TERF2: variants seen among roughly 807,000 people sequenced by gnomAD.
TERF2 encodes the protein telomeric repeat-binding factor 2.
In TERF2, 16 loss-of-function variants were observed where a neutral mutation model predicts 56.1. The observed-to-expected ratio is 0.29, with a 90% confidence interval of 0.19 to 0.43. The LOEUF (loss-of-function observed/expected upper bound fraction) is 0.43, where lower values mean the gene tolerates loss of function less well. Ranked by LOEUF, TERF2 falls within the 20% of genes least tolerant of loss-of-function variation. The probability of loss-of-function intolerance (pLI) is 1.00; values close to 1 mark genes in which losing one functional copy is unlikely to be tolerated. For missense variants in TERF2, 547 were observed against 712.9 expected, an observed-to-expected ratio of 0.77 and a Z score of 2.65; for synonymous variants, 296 against 282.1, an observed-to-expected ratio of 1.05 and a Z score of -0.50.
chr16:69,385,232 G>C (rs770604500), intron 2 of TERF2, among the ~76,000 whole-genome samples, 159 bp downstream of exon 2: 1 of 152,036 alleles, frequency 6.6e-6, no homozygotes, highest in South Asian at 2.1e-4. Context: ...GAGAAAACTA[G>C]AGCCAGTCGA....
At chr16:69,370,197 A>C (rs2013512824) in intron 5 of TERF2, 5 of 397,900 alleles carry the variant, frequency 1.3e-5, no homozygotes, top group Non-Finnish European at 2.2e-5. Context: ...CGCCCAGCTA[A>C]TTTTTATATT....
intron 3 of TERF2, among the ~76,000 whole-genome samples, chr16:69,374,358 G>A (rs374131269): frequency 1.3e-5 from 2 of 151,942 alleles, no homozygotes; most frequent in South Asian, 2.1e-4. Flanking sequence ...CACTGATCCC[G>A]GTGGCTCATA....
chr16:69,385,278 C>T, intron 2 of TERF2, 113 bp downstream of exon 2: 1 of 889,072 alleles, frequency 1.1e-6, no homozygotes, highest in South Asian at 1.5e-5. Flanking sequence ...TGAAAAAGAC[C>T]ACTCTGATGG....
rs574517519 is a variant in TERF2, at chr16:69,378,292, C to G, written c.607-5937G>C. Among the ~76,000 whole-genome samples the G allele has an allele frequency of 2.0e-5, 3 of 152,300 alleles. No homozygotes were observed. The South Asian group carries it at 6.2e-4, about 32-fold the overall frequency. ...ACCCAGGGCCAAGCAGCAGGACAGA[C>G]AGTGGAAGGCTATGGAATTTGTTCC... On this transcript the variant is annotated intron_variant, in intron 3 of 9. Transcript: ENST00000254942.
chr16:69,377,096 A>G (rs2142756248), intron 3 of TERF2, among the ~76,000 whole-genome samples: 1 of 151,556 alleles, frequency 6.6e-6, no homozygotes, highest in East Asian at 2.0e-4. Context: ...TCAGCTCCTC[A>G]GGAGGCTGAG....
intron 3 of TERF2, among the ~76,000 whole-genome samples, chr16:69,377,418 C>A (rs1229174874): frequency 1.3e-5 from 2 of 152,004 alleles, no homozygotes; most frequent in East Asian, 3.9e-4. Flanking sequence ...ACCTCCACCT[C>A]GCAGGTTCAA....
chr16:69,369,356 G>A (rs1260555947), intron 5 of TERF2, among the ~76,000 whole-genome samples: 1 of 152,214 alleles, frequency 6.6e-6, no homozygotes, highest in Middle Eastern at 3.4e-3. Context: ...CTTTTGCCCA[G>A]GCTGAAGTGC....
chr16:69,385,505 T>C lies in TERF2; in HGVS notation c.380-19A>G. 1.2e-6 allele frequency: 2 copies of C among 1,613,608 alleles called. No individual in the cohort carries two copies. The highest frequency in any genetic ancestry group is 1.1e-5 in the South Asian group (1 of 91,070). On this transcript the variant is annotated intron_variant, in intron 1 of 9. Transcript: ENST00000254942. Reference sequence around the variant, plus strand: ...AGCAAAGCTGGGAGAGAAGACATCGTTGGCTGGGCGACCCCCAGTCCCGAC... The same window carrying C: ...AGCAAAGCTGGGAGAGAAGACATCGCTGGCTGGGCGACCCCCAGTCCCGAC...
chr16:69,374,033 A>C (rs2013675275), intron 3 of TERF2, among the ~76,000 whole-genome samples: 1 of 152,212 alleles, frequency 6.6e-6, no homozygotes, highest in Non-Finnish European at 1.5e-5. Context: ...ATGCAGGCAC[A>C]GTTCTTGCTG....
intron 3 of TERF2, among the ~76,000 whole-genome samples, chr16:69,377,003 C>A (rs555557998): frequency 9.6e-4 from 146 of 151,960 alleles, no homozygotes; most frequent in Middle Eastern, 6.8e-3. Context: ...GAGTTTGAGA[C>A]CAGTCTGGCC....
At chr16:69,368,993 T>C (rs2013462572) in intron 5 of TERF2, among the ~76,000 whole-genome samples, 1 of 152,106 alleles carries the variant, frequency 6.6e-6, no homozygotes, top group Non-Finnish European at 1.5e-5. Context: ...TTCATACTAA[T>C]ATCTTCCAGT....
chr16:69,356,023 A>G lies in TERF2; in HGVS notation c.*875T>C, dbSNP rs2012883457. The G allele has an allele frequency of 3.2e-6, 1 of 310,446 alleles. No homozygotes were observed. Among genetic ancestry groups the G allele is most frequent in the South Asian group, 2.6e-5 (1 of 38,778 alleles). 19.2% of individuals were successfully genotyped at this position (310,446 alleles called of 1,614,324 possible). A position where few individuals can be genotyped will look rare whatever the true frequency, so the allele number is the denominator to read the frequency against. ...CCTACATAGCCCAGCAGATGTTGAC[A>G]GCAAATGCCAAGGCAGACAGGTCTA... On this transcript the variant is annotated 3_prime_UTR_variant, in exon 10 of 10. Transcript: ENST00000254942.
chr16:69,361,635 G>T, intron 7 of TERF2, 146 bp from the exon 8 acceptor site: 1 of 650,790 alleles, frequency 1.5e-6, no homozygotes. Context: ...ACCTCCCAAA[G>T]CCACTGTCCT....
At chr16:69,357,140 C>T in intron 9 of TERF2, 84 bp from the exon 10 acceptor site, 1 of 1,438,584 alleles carries the variant, frequency 7.0e-7, no homozygotes, top group Non-Finnish European at 9.4e-7. Context: ...AAGGTAAACT[C>T]AAGAATCCCA....
At position 69,370,606 on chromosome 16, in the gene TERF2, A is replaced by G; in HGVS notation, c.717T>C (p.Asn239=). ...GGGCCAAGTTCTTTTCTCGAATAAT[A>G]TTCAGGAGATCATTTCTCAGCTTCT... ...TTQKLRNDLL[N]IIREKNLAHP... The change falls in exon 5 of 10, where the codon AAT becomes AAC. Residue 239 remains asparagine (N), a synonymous_variant. Coordinates refer to ENST00000254942, the MANE Select transcript of TERF2 (RefSeq NM_005652.5). 6.2e-7 allele frequency: 1 copy of G among 1,612,044 alleles called. No homozygotes were observed. The highest frequency in any genetic ancestry group is 8.5e-7 in the Non-Finnish European group (1 of 1,179,348).
rs1438905833 is a variant in TERF2, at chr16:69,385,918, A to G, written c.54T>C (p.Arg18=). ...TCCTCGGCTGTGACGCCGCTGGGTC[A>G]CGCACGACGCCCGGGCCGGAAGCGG... ...AGPASGPGVV[R]DPAASQPRKR... is the part of the protein sequence containing the mutation. The change falls in exon 1 of 10, where the codon CGT becomes CGC. Residue 18 remains arginine (R), a synonymous_variant. Coordinates refer to ENST00000254942, the MANE Select transcript of TERF2 (RefSeq NM_005652.5). The G allele has an allele frequency of 2.2e-6, 3 of 1,387,452 alleles. No homozygotes were observed. Among genetic ancestry groups the G allele is most frequent in the Non-Finnish European group, 2.8e-6 (3 of 1,069,632 alleles). The allele number at this position is 1,387,452 out of a possible 1,614,324, so 85.9% of individuals were successfully genotyped here.
At chr16:69,357,685 A>G in intron 8 of TERF2, 124 bp from the exon 9 acceptor site, 1 of 1,124,276 alleles carries the variant, frequency 8.9e-7, no homozygotes, top group South Asian at 1.4e-5. Flanking sequence ...TGAGAAGAGA[A>G]AGGATATCAC....
chr16:69,385,514 CGACCCCCAGTCCCGACTCCCGGTCCCCCG>C, intron 1 of TERF2, 28 bp from the exon 2 acceptor site: 1 of 1,612,744 alleles, frequency 6.2e-7, no homozygotes, highest in Non-Finnish European at 8.5e-7. Context: ...GTTGGCTGGG[CGACCCCCAGTCCCGACTCCCGGTCCCCCG>C]GACCCCCTTC....
intron 3 of TERF2, among the ~76,000 whole-genome samples, chr16:69,381,326 C>A (rs778065475): frequency 1.1e-4 from 16 of 152,088 alleles, no homozygotes; most frequent in Non-Finnish European, 2.4e-4. Flanking sequence ...CAAGTGTGAA[C>A]AACTGTAATT....
Sources: gnomAD v4.1 joint callset for allele counts (sites outside exome capture counted in the v4.1 genomes callset) on GRCh38, gnomAD v4.1.1 for gene constraint, MANE v1.5 for transcripts, NCBI Gene and HGNC (gene_info 2026-07-23, HGNC 2026-07-21) for gene names.